HMGCLL1: variants seen among roughly 807,000 people sequenced by gnomAD.
HMGCLL1 encodes the protein 3-hydroxymethyl-3-methylglutaryl-CoA lyase, cytoplasmic.
HMGCLL1 carries 36 observed loss-of-function variants against 39.1 expected under a neutral mutation model. That is an observed-to-expected ratio of 0.92 (90% confidence interval 0.71 to 1.22). The LOEUF (loss-of-function observed/expected upper bound fraction) is 1.22, where lower values mean the gene tolerates loss of function less well. Ranked by LOEUF, HMGCLL1 falls within the 50% of genes most tolerant of loss-of-function variation. The pLI is 0.00. For missense variants in HMGCLL1, 451 were observed against 416.5 expected (o/e 1.08, Z -0.72); for synonymous variants, 149 against 144.0 (o/e 1.03, Z -0.25).
chr6:55,450,696 A>C (rs559917534), intron 7 of HMGCLL1, among the ~76,000 whole-genome samples: 2 of 152,208 alleles, frequency 1.3e-5, no homozygotes, highest in Admixed American at 6.5e-5. Flanking sequence ...AGAAAACCAT[A>C]AAAGACAGAG....
intron 7 of HMGCLL1, among the ~76,000 whole-genome samples, chr6:55,468,376 A>G (rs1255273019): frequency 6.6e-6 from 1 of 151,976 alleles, no homozygotes; most frequent in African/African-American, 2.4e-5. Context: ...TGCTCAATAG[A>G]TGTTTGATGA....
At chr6:55,529,496 G>A (rs1458736132) in intron 3 of HMGCLL1, among the ~76,000 whole-genome samples, 1 of 85,470 alleles carries the variant, frequency 1.2e-5, no homozygotes, top group African/African-American at 3.6e-5. Context: ...GACACTGGCT[G>A]TGGAAAAAAA....
chr6:55,571,219 T>C (rs926693938), intron 1 of HMGCLL1, among the ~76,000 whole-genome samples: 3 of 152,202 alleles, frequency 2.0e-5, no homozygotes, highest in African/African-American at 7.2e-5. Flanking sequence ...TTACAAGTCT[T>C]TGGAACTCCC....
intron 1 of HMGCLL1, 44 bp from the exon 2 acceptor site, chr6:55,542,184 T>C (rs780515537): frequency 1.6e-5 from 21 of 1,288,126 alleles, no homozygotes; most frequent in African/African-American, 3.0e-5. Flanking sequence ...ACTTTTAGAT[T>C]GTTACATTTG....
At chr6:55,660,056 T>C in the HMGCLL1 span, among the ~76,000 whole-genome samples, 1 of 151,770 alleles carries the variant, frequency 6.6e-6, no homozygotes, top group Non-Finnish European at 1.5e-5. Flanking sequence ...CCTGGCTAGA[T>C]TGTCTTCAAA....
At chr6:55,472,709 C>T (rs1765101401) in intron 7 of HMGCLL1, among the ~76,000 whole-genome samples, 1 of 151,354 alleles carries the variant, frequency 6.6e-6, no homozygotes, top group South Asian at 2.1e-4. Flanking sequence ...TAACATCTTG[C>T]ATTAATATGT....
intron 5 of HMGCLL1, among the ~76,000 whole-genome samples, chr6:55,509,967 A>T (rs1340813680): frequency 1.3e-5 from 2 of 151,972 alleles, no homozygotes; most frequent in Non-Finnish European, 2.9e-5. Flanking sequence ...TTAAAAAATT[A>T]TGACTAAAGT....
intron 1 of HMGCLL1, among the ~76,000 whole-genome samples, chr6:55,551,916 T>C (rs1259036126): frequency 6.6e-6 from 1 of 151,978 alleles, no homozygotes; most frequent in Non-Finnish European, 1.5e-5. Context: ...TATAGAATTC[T>C]CTCAGTGCTA....
the HMGCLL1 span, among the ~76,000 whole-genome samples, chr6:55,613,020 A>G: frequency 6.6e-6 from 1 of 152,232 alleles, no homozygotes; most frequent in South Asian, 2.1e-4. Flanking sequence ...GGCAACCTAG[A>G]GAATGGGAGA....
At chr6:55,652,337 ACT>A in the HMGCLL1 span, among the ~76,000 whole-genome samples, 1 of 151,846 alleles carries the variant, frequency 6.6e-6, no homozygotes, top group Admixed American at 6.6e-5. Flanking sequence ...CAATATCAAC[ACT>A]CTTTAAAAAT....
intron 3 of HMGCLL1, among the ~76,000 whole-genome samples, chr6:55,522,557 T>C (rs547214145): frequency 1.3e-5 from 2 of 152,128 alleles, no homozygotes; most frequent in African/African-American, 4.8e-5. Flanking sequence ...AGTTGACTCC[T>C]ATTCATTTAG....
the HMGCLL1 span, among the ~76,000 whole-genome samples, chr6:55,609,456 C>T: frequency 6.6e-6 from 1 of 152,142 alleles, no homozygotes. Context: ...CTGACCCATT[C>T]CTTCTCACTG....
At chr6:55,588,718 A>T in the HMGCLL1 span, among the ~76,000 whole-genome samples, 2 of 152,126 alleles carry the variant, frequency 1.3e-5, no homozygotes, top group East Asian at 3.9e-4. Flanking sequence ...AAATGATAAA[A>T]GGGATATCAC....
chr6:55,486,756 G>A (rs1416231840), intron 7 of HMGCLL1, among the ~76,000 whole-genome samples: 1 of 151,864 alleles, frequency 6.6e-6, no homozygotes, highest in Admixed American at 6.6e-5. Context: ...TGTCAGTTTG[G>A]GCTGCTATAA....
the HMGCLL1 span, among the ~76,000 whole-genome samples, chr6:55,677,889 G>T: frequency 1.3e-5 from 2 of 152,070 alleles, no homozygotes; most frequent in African/African-American, 4.8e-5. Flanking sequence ...TATGCATCTT[G>T]GCTGCCTCAA....
chr6:55,557,080 T>C (rs1329284084), intron 1 of HMGCLL1, among the ~76,000 whole-genome samples: 1 of 152,198 alleles, frequency 6.6e-6, no homozygotes, highest in Non-Finnish European at 1.5e-5. Context: ...TTTATAAAGT[T>C]AGATTCAATC....
the HMGCLL1 span, among the ~76,000 whole-genome samples, chr6:55,671,071 T>C: frequency 6.6e-6 from 1 of 151,810 alleles, no homozygotes; most frequent in Non-Finnish European, 1.5e-5. Flanking sequence ...AGGGTCCATT[T>C]TAAATGTGTA....
At chr6:55,483,052 A>C (rs1236285175) in intron 7 of HMGCLL1, among the ~76,000 whole-genome samples, 1 of 152,122 alleles carries the variant, frequency 6.6e-6, no homozygotes, top group Non-Finnish European at 1.5e-5. Context: ...GGCCTCCTAT[A>C]GGAAAAGAAA....
At chr6:55,463,377 G>T (rs73447021) in intron 7 of HMGCLL1, among the ~76,000 whole-genome samples, 1,881 of 151,920 alleles carry the variant, frequency 0.012, 39 homozygotes, top group African/African-American at 0.043. Flanking sequence ...TGAAAAAGTG[G>T]CCCTTACAAT....
Sources: gnomAD v4.1 joint callset for allele counts (sites outside exome capture counted in the v4.1 genomes callset) on GRCh38, gnomAD v4.1.1 for gene constraint, MANE v1.5 for transcripts, NCBI Gene and HGNC (gene_info 2026-07-23, HGNC 2026-07-21) for gene names.